Variants in PRELID2 observed in about 807,000 individuals in gnomAD.
PRELID2 encodes PRELI domain containing 2.
PRELID2 carries 25 observed loss-of-function variants against 28.4 expected under a neutral mutation model. The ratio of observed to expected loss-of-function variants is 0.88; its 90% CI spans 0.64 to 1.23. The LOEUF (loss-of-function observed/expected upper bound fraction) is 1.23. PRELID2 is among the 50% of genes most tolerant of loss of function. The pLI is 0.00. For synonymous variants in PRELID2, 76 were observed against 71.6 expected, an observed-to-expected ratio of 1.06 and a Z score of -0.31; for missense variants, 201 against 214.4, an observed-to-expected ratio of 0.94 and a Z score of 0.39.
chr5:145,720,103 T>C (rs1755947683), intron 1 of PRELID2, among the ~76,000 whole-genome samples: 1 of 151,652 alleles, frequency 6.6e-6, no homozygotes, highest in African/African-American at 2.4e-5. Context: ...GTGATTTAAA[T>C]GAAGGACAAG....
intron 1 of PRELID2, among the ~76,000 whole-genome samples, chr5:145,734,452 C>A (rs1756437137): frequency 6.6e-6 from 1 of 152,182 alleles, no homozygotes; most frequent in Non-Finnish European, 1.5e-5. Context: ...ATTATAAATG[C>A]AACGAGCATC....
chr5:145,336,748 G>A, the PRELID2 span, among the ~76,000 whole-genome samples: 1 of 152,020 alleles, frequency 6.6e-6, no homozygotes, highest in African/African-American at 2.4e-5. Flanking sequence ...TTAAGGAAAT[G>A]TGGCACATAT....
the PRELID2 span, among the ~76,000 whole-genome samples, chr5:145,279,797 A>AT: frequency 4.4e-4 from 66 of 150,870 alleles, no homozygotes; most frequent in Admixed American, 6.6e-4. Flanking sequence ...ATTAAAGAGG[A>AT]TTTTTTTTTA....
chr5:145,386,038 A>G, the PRELID2 span, among the ~76,000 whole-genome samples: 4 of 152,030 alleles, frequency 2.6e-5, no homozygotes, highest in Non-Finnish European at 5.9e-5. Context: ...TGCTATAAAG[A>G]CATACCCAAG....
At chr5:145,663,936 C>T (rs1231772489) in intron 1 of PRELID2, among the ~76,000 whole-genome samples, 2 of 152,032 alleles carry the variant, frequency 1.3e-5, no homozygotes, top group East Asian at 1.9e-4. Flanking sequence ...GACATCTGTT[C>T]CTCAAGGCAT....
intron 1 of PRELID2, among the ~76,000 whole-genome samples, chr5:145,584,102 C>T (rs11956761): frequency 0.035 from 5,300 of 151,936 alleles, 283 homozygotes; most frequent in African/African-American, 0.12. Context: ...CATAGACCAA[C>T]GGAACAGAAT....
the PRELID2 span, among the ~76,000 whole-genome samples, chr5:145,416,521 G>A: frequency 6.6e-6 from 1 of 151,956 alleles, no homozygotes; most frequent in East Asian, 1.9e-4. Flanking sequence ...CTACTCATCT[G>A]ACAAAGGGCA....
the PRELID2 span, among the ~76,000 whole-genome samples, chr5:145,264,740 G>A: frequency 0.084 from 12,700 of 151,928 alleles, 1,157 homozygotes; most frequent in African/African-American, 0.23. Flanking sequence ...TTGGGAGGCC[G>A]AGGTGGGTGG....
At chr5:145,424,478 G>A in the PRELID2 span, among the ~76,000 whole-genome samples, 21 of 152,278 alleles carry the variant, frequency 1.4e-4, no homozygotes, top group Non-Finnish European at 1.9e-4. Flanking sequence ...CGCAGTATTC[G>A]GGTGGGAGTG....
the PRELID2 span, among the ~76,000 whole-genome samples, chr5:145,322,053 T>A: frequency 6.6e-6 from 1 of 152,342 alleles, no homozygotes; most frequent in South Asian, 2.1e-4. Context: ...TTATTCTAAT[T>A]TCTTGGCATG....
At chr5:145,348,113 A>T in the PRELID2 span, among the ~76,000 whole-genome samples, 2 of 152,184 alleles carry the variant, frequency 1.3e-5, no homozygotes, top group African/African-American at 4.8e-5. Flanking sequence ...GGAATCCATG[A>T]TCAGTTAAAG....
intron 1 of PRELID2, among the ~76,000 whole-genome samples, chr5:145,741,784 T>TACAA (rs1561568609): frequency 8.8e-6 from 1 of 113,722 alleles, no homozygotes; most frequent in Non-Finnish European, 1.6e-5. Context: ...AAAATTTATT[T>TACAA]ATAAAGTATT....
intron 1 of PRELID2, among the ~76,000 whole-genome samples, chr5:145,695,015 C>A (rs1377667450): frequency 6.6e-6 from 1 of 152,196 alleles, no homozygotes; most frequent in East Asian, 1.9e-4. Context: ...AGGTCCTCGG[C>A]TGGTTACTAC....
chr5:145,710,332 T>A (rs1022908482), intron 1 of PRELID2, among the ~76,000 whole-genome samples: 1 of 152,208 alleles, frequency 6.6e-6, no homozygotes, highest in Non-Finnish European at 1.5e-5. Flanking sequence ...TAGGTCTATG[T>A]GGGATATTTT....
chr5:145,419,576 T>G, the PRELID2 span, among the ~76,000 whole-genome samples: 1 of 144,312 alleles, frequency 6.9e-6, no homozygotes, highest in African/African-American at 2.5e-5. Flanking sequence ...TTGATGGGGT[T>G]GTTTGTTTTT....
the PRELID2 span, among the ~76,000 whole-genome samples, chr5:145,373,863 TACA>T: frequency 1.0e-5 from 1 of 97,576 alleles, no homozygotes; most frequent in Non-Finnish European, 1.9e-5. Flanking sequence ...TATTATATAT[TACA>T]ACATATATAA....
chr5:145,546,072 T>C (rs961295694), intron 1 of PRELID2, among the ~76,000 whole-genome samples: 7 of 152,140 alleles, frequency 4.6e-5, no homozygotes, highest in Admixed American at 4.6e-4. Context: ...TTATCTGCAA[T>C]GCTTGCTAAA....
At chr5:145,447,848 C>T in the PRELID2 span, among the ~76,000 whole-genome samples, 1 of 141,278 alleles carries the variant, frequency 7.1e-6, no homozygotes, top group African/African-American at 2.6e-5. Context: ...ATATGTGCCA[C>T]ATTTTCTTAA....
chr5:145,515,309 T>C (rs1230297539), intron 1 of PRELID2, among the ~76,000 whole-genome samples: 1 of 151,984 alleles, frequency 6.6e-6, no homozygotes, highest in Non-Finnish European at 1.5e-5. Context: ...AAAAATGATA[T>C]AGGGGATATC....
Sources: gnomAD v4.1 joint callset for allele counts (sites outside exome capture counted in the v4.1 genomes callset) on GRCh38, gnomAD v4.1.1 for gene constraint, MANE v1.5 for transcripts, NCBI Gene and HGNC (gene_info 2026-07-23, HGNC 2026-07-21) for gene names.